The following STC1 variants were observed in gnomAD, a reference collection of about 807,000 sequenced individuals.
The protein encoded by STC1 is stanniocalcin 1.
Under a neutral mutation model 22.6 loss-of-function variants are expected in STC1, and 7 were observed. The observed-to-expected ratio is 0.31, with a 90% CI of 0.18 to 0.58. The LOEUF (loss-of-function observed/expected upper bound fraction) is 0.58. Among genes scored for constraint, STC1 ranks in the 20% least tolerant of loss-of-function variants. The pLI is 0.89. For synonymous variants in STC1, 113 were observed against 120.7 expected (o/e 0.94, Z 0.42); for missense variants, 224 against 311.0 (o/e 0.72, Z 2.10).
chr8:23,849,428 G>A (rs1388667844), intron 3 of STC1, among the ~76,000 whole-genome samples: 1 of 151,804 alleles, frequency 6.6e-6, no homozygotes, highest in East Asian at 1.9e-4. Context: ...TTCTCCAATT[G>A]ACCTTTCCTA....
At chr8:23,850,522 G>A (rs7841877) in intron 3 of STC1, among the ~76,000 whole-genome samples, 2,352 of 152,206 alleles carry the variant, frequency 0.015, 62 homozygotes, top group African/African-American at 0.053. Context: ...TCCAGGCCAC[G>A]CACATGAACT....
At position 23,854,565 on chromosome 8, in the gene STC1, TC is replaced by T; in HGVS notation, c.-43del. On this transcript the variant is annotated 5_prime_UTR_variant, in exon 1 of 4. Coordinates refer to ENST00000290271, the MANE Select transcript of STC1 (RefSeq NM_003155.3). ...GCTAAGTTGTTGGGTTTTTTTTTTT[TC>T]CTGCCCCCCTTTCCTCTTTCCCTCT... 6.9e-7 allele frequency: 1 copy of T among 1,453,750 alleles called. No individual in the cohort carries two copies. Among genetic ancestry groups the T allele is most frequent in the Non-Finnish European group, 9.7e-7 (1 of 1,034,574 alleles). 90.1% of individuals were successfully genotyped at this position (1,453,750 alleles called of 1,614,324 possible).
intron 1 of STC1, 62 bp downstream of exon 1, chr8:23,854,344 A>G: frequency 6.9e-7 from 1 of 1,439,856 alleles, no homozygotes; most frequent in Non-Finnish European, 9.8e-7. Flanking sequence ...ACAGTTGCAA[A>G]AGGGAGAGGC....
At chr8:23,853,861 G>A (rs1008887759) in intron 1 of STC1, among the ~76,000 whole-genome samples, 2 of 152,112 alleles carry the variant, frequency 1.3e-5, no homozygotes, top group Non-Finnish European at 2.9e-5. Flanking sequence ...AGGGTTGGGG[G>A]TGGGATGTAT....
In STC1 at chr8:23,854,544, A is replaced by T. The variant is rs767173224; in HGVS notation, c.-21T>A. ...AGCATTCTCTGAGAAGTTTCCGCTA[A>T]GTTGTTGGGTTTTTTTTTTTTCCTG... On this transcript the variant is annotated 5_prime_UTR_variant, in exon 1 of 4. Transcript: ENST00000290271. 6.3e-7 allele frequency: 1 copy of T among 1,593,570 alleles called. No individual in the cohort carries two copies.
At chr8:23,852,767 G>A (rs1802653357) in intron 1 of STC1, among the ~76,000 whole-genome samples, 1 of 152,146 alleles carries the variant, frequency 6.6e-6, no homozygotes, top group Non-Finnish European at 1.5e-5. Context: ...GGAGACAGTG[G>A]CTAGTGGTCA....
At chr8:23,853,643 G>T (rs968596679) in intron 1 of STC1, among the ~76,000 whole-genome samples, 1 of 152,216 alleles carries the variant, frequency 6.6e-6, no homozygotes, top group African/African-American at 2.4e-5. Flanking sequence ...AGGCAGAGGT[G>T]TCAATGCAGG....
intron 1 of STC1, among the ~76,000 whole-genome samples, chr8:23,853,199 G>T (rs1190768850): frequency 6.6e-6 from 1 of 152,122 alleles, no homozygotes; most frequent in Non-Finnish European, 1.5e-5. Context: ...CCACAGAAGG[G>T]GGGTGTTCTG....
intron 3 of STC1, among the ~76,000 whole-genome samples, chr8:23,848,398 G>A (rs973148706): frequency 5.3e-5 from 8 of 151,872 alleles, no homozygotes; most frequent in Non-Finnish European, 1.0e-4. Flanking sequence ...TGGGCGTGGT[G>A]GTGAGTGCTT....
At chr8:23,845,449 T>C (rs1263336971) in intron 3 of STC1, among the ~76,000 whole-genome samples, 1 of 152,138 alleles carries the variant, frequency 6.6e-6, no homozygotes, top group Non-Finnish European at 1.5e-5. Flanking sequence ...TAGAATGAAG[T>C]GAGTCCAATG....
At chr8:23,851,644 T>G (rs1398051974) in intron 2 of STC1, 113 bp from the exon 3 acceptor site, 1 of 811,698 alleles carries the variant, frequency 1.2e-6, no homozygotes, top group Non-Finnish European at 2.0e-6. Flanking sequence ...CATGGCCATC[T>G]GCATATCCTT....
At chr8:23,852,888 C>T (rs550348478) in intron 1 of STC1, among the ~76,000 whole-genome samples, 1 of 152,116 alleles carries the variant, frequency 6.6e-6, no homozygotes, top group Non-Finnish European at 1.5e-5. Flanking sequence ...TGCCAGGAGT[C>T]CACTTGGAGA....
At chr8:23,852,925 A>G (rs923327588) in intron 1 of STC1, among the ~76,000 whole-genome samples, 11 of 152,148 alleles carry the variant, frequency 7.2e-5, no homozygotes, top group African/African-American at 2.7e-4. Flanking sequence ...CTTTTAACTT[A>G]CCGTCATATT....
intron 1 of STC1, 174 bp downstream of exon 1, chr8:23,854,232 T>C (rs943407257): frequency 2.6e-5 from 26 of 985,596 alleles, no homozygotes; most frequent in Non-Finnish European, 3.5e-5. Flanking sequence ...ATGCAATTTA[T>C]TAAACAAAGG....
At chr8:23,852,526 C>T (rs556862987) in intron 1 of STC1, 142 bp from the exon 2 acceptor site, 1 of 833,270 alleles carries the variant, frequency 1.2e-6, no homozygotes, top group African/African-American at 1.7e-5. Context: ...AATTGATAGA[C>T]CCATTTGATT....
chr8:23,848,367 A>T (rs916736648), intron 3 of STC1, among the ~76,000 whole-genome samples: 6 of 151,834 alleles, frequency 4.0e-5, no homozygotes, highest in African/African-American at 1.5e-4. Context: ...CCCTGTCTCT[A>T]CTAAAAATAC....
In STC1 at chr8:23,854,597, C is replaced by T; in HGVS notation, c.-74G>A. 3 of 1,244,942 alleles carry T rather than the reference C, an allele frequency of 2.4e-6. No homozygotes were observed. Among genetic ancestry groups the T allele is most frequent in the Non-Finnish European group, 2.4e-6 (2 of 846,050 alleles). The allele number at this position is 1,244,942 out of a possible 1,614,324, so 77.1% of individuals were successfully genotyped here. A position where few individuals can be genotyped will look rare whatever the true frequency, so the allele number is the denominator to read the frequency against. ...CCCCTTTCCTCTTTCCCTCTCCTGG[C>T]TTGAGTGAAGATGTGGATCTGGATA... is the stretch of plus-strand genomic sequence containing the variant. On this transcript the variant is annotated 5_prime_UTR_variant, in exon 1 of 4. Coordinates refer to ENST00000290271, the MANE Select transcript of STC1 (RefSeq NM_003155.3).
intron 3 of STC1, among the ~76,000 whole-genome samples, chr8:23,845,497 G>A (rs1483792754): frequency 6.6e-6 from 1 of 152,120 alleles, no homozygotes; most frequent in Non-Finnish European, 1.5e-5. Flanking sequence ...ACATGCATGT[G>A]TAATTATTTT....
intron 1 of STC1, 57 bp from the exon 2 acceptor site, chr8:23,852,441 A>T (rs566901282): frequency 6.5e-7 from 1 of 1,535,316 alleles, no homozygotes; most frequent in Admixed American, 2.0e-5. Flanking sequence ...GCTGGGTGGG[A>T]TCAAGTGGGT....
Sources: gnomAD v4.1 joint callset for allele counts (sites outside exome capture counted in the v4.1 genomes callset) on GRCh38, gnomAD v4.1.1 for gene constraint, MANE v1.5 for transcripts, NCBI Gene and HGNC (gene_info 2026-07-23, HGNC 2026-07-21) for gene names.